The following AP4B1 variants were observed in gnomAD, a reference collection of about 807,000 sequenced individuals.
AP4B1 encodes the protein AP-4 complex subunit beta-1.
Under a neutral mutation model 76.5 loss-of-function variants are expected in AP4B1, and 49 were observed. The ratio of observed to expected loss-of-function variants is 0.64; its 90% CI spans 0.51 to 0.81. The LOEUF is 0.81. Among genes scored for constraint, AP4B1 ranks in the 40% least tolerant of loss-of-function variants. The pLI, the probability that AP4B1 is intolerant of heterozygous loss-of-function variation, is 0.00. For synonymous variants in AP4B1, 330 were observed against 333.3 expected (o/e 0.99, Z 0.11); for missense variants, 911 against 904.9 (o/e 1.01, Z -0.09).
intron 5 of AP4B1, chr1:113,899,026 T>G: frequency 8.4e-7 from 1 of 1,186,848 alleles, no homozygotes; most frequent in Non-Finnish European, 1.1e-6. Context: ...TGAAAGCTCA[T>G]AGCAAAACAA....
rs79922740 is a variant in AP4B1 at position 113,895,157 on chromosome 1, C to T, written c.2128G>A (p.Val710Met). The stretch of plus-strand genomic sequence containing the variant: ...TCCGTTCTTGCTTCATTTTGTTTCA[C>T]AGAGATCTGCATTTCTGAGTTTCCA... ...EPGNSEMQIS[V>M]KQNEARTETL... is the part of the protein sequence containing the mutation. The change falls in exon 10 of 10, where the codon GTG becomes ATG. Residue 710 changes from valine (V) to methionine (M), a missense_variant. Transcript: ENST00000369569. The T allele has an allele frequency of 6.2e-7, 1 of 1,614,162 alleles. No individual in the cohort carries two copies. The highest frequency in any genetic ancestry group is 1.3e-5 in the African/African-American group (1 of 75,044).
intron 7 of AP4B1, chr1:113,897,630 G>A: frequency 1.6e-6 from 1 of 613,950 alleles, no homozygotes; most frequent in Non-Finnish European, 2.9e-6. Flanking sequence ...GAGAACAATG[G>A]TATCACAGTT....
intron 4 of AP4B1, 27 bp downstream of exon 4, chr1:113,901,209 A>C (rs533461640): frequency 6.2e-7 from 1 of 1,613,814 alleles, no homozygotes; most frequent in South Asian, 1.1e-5. Context: ...AGATCTCATA[A>C]TAAAAAGAGT....
At position 113,900,371 on chromosome 1, in the gene AP4B1, G is replaced by C. The variant is rs752781534; in HGVS notation, c.647C>G (p.Ala216Gly). 6.2e-7 allele frequency: 1 copy of C among 1,612,816 alleles called. No homozygotes were observed. Among genetic ancestry groups the C allele is most frequent in the African/African-American group, 1.3e-5 (1 of 74,994 alleles). The change falls in exon 5 of 10, where the codon GCT (alanine) becomes GGT (glycine). Residue 216 changes from alanine to glycine, a missense_variant. Coordinates refer to ENST00000369569, the MANE Select transcript of AP4B1 (RefSeq NM_001253852.3). ...GCGTAGCAGAAAGTTCAATACTTCA[G>C]CCTGGCCCCATTGGTCCAGTTTTGA... ...RMSKLDQWGQ[A>G]EVLNFLLRYQ...
intron 7 of AP4B1, 57 bp from the exon 8 acceptor site, chr1:113,896,522 A>G (rs927197857): frequency 3.2e-6 from 5 of 1,557,364 alleles, no homozygotes; most frequent in Middle Eastern, 1.7e-4. Context: ...AAAACACAGG[A>G]GATAATAGAC....
chr1:113,896,270 A>C lies in AP4B1; in HGVS notation c.1498T>G (p.Tyr500Asp). Residue 500 changes from tyrosine to aspartate, a missense_variant, in exon 8 of 10, where the codon TAT (tyrosine) becomes GAT (aspartate). Tyr to Asp is a radical substitution (Grantham distance 160). Transcript: ENST00000369569. The stretch of plus-strand genomic sequence containing the variant: ...CTGAAAAACCCACCTATGCAGTAAT[A>C]CAACAAACGTCCTAGCATGTCCTGG... ...ECQDMLGRLL[Y>D]YCIEEEKDMA... The C allele has an allele frequency of 6.2e-7, 1 of 1,614,232 alleles. No homozygotes were observed. The highest frequency in any genetic ancestry group is 8.5e-7 in the Non-Finnish European group (1 of 1,180,038).
chr1:113,903,616 A>C (rs979424565), intron 1 of AP4B1, among the ~76,000 whole-genome samples: 2 of 152,258 alleles, frequency 1.3e-5, no homozygotes, highest in African/African-American at 4.8e-5. Flanking sequence ...ATGTTTCTTC[A>C]CAGAGGAAGT....
In AP4B1 at chr1:113,902,861, A is replaced by C. The variant is rs762023878; in HGVS notation, c.115T>G (p.Tyr39Asp). The C allele has an allele frequency of 5.0e-6, 8 of 1,613,620 alleles. No individual in the cohort carries two copies. The highest frequency in any genetic ancestry group is 1.6e-4 in the Middle Eastern group (1 of 6,082). Reference sequence around the variant, plus strand: ...GACATGTCCAAGCCTTGAGTCATGTACCTGAACAACGCACATGACAGAAGG... The same window carrying C: ...GACATGTCCAAGCCTTGAGTCATGTCCCTGAACAACGCACATGACAGAAGG... ...YRNVIQRVIRYMTQGLDMSGV... is the reference protein window; with the variant it reads ...YRNVIQRVIRDMTQGLDMSGV... The change falls in exon 2 of 10, where the codon TAC becomes GAC. Residue 39 changes from tyrosine (Y) to aspartate (D), a missense_variant and splice_region_variant. By Grantham distance (160) the Tyr-to-Asp change is radical. Coordinates refer to ENST00000369569, the MANE Select transcript of AP4B1 (RefSeq NM_001253852.3).
At chr1:113,896,550 T>C in intron 7 of AP4B1, 85 bp from the exon 8 acceptor site, 1 of 1,339,136 alleles carries the variant, frequency 7.5e-7, no homozygotes, top group Non-Finnish European at 1.1e-6. Flanking sequence ...GGTTTTGCTT[T>C]TCGCTTAGTG....
In AP4B1 at chr1:113,897,609, GAACTGTTCAAGAGAACAATGGTATCAC is replaced by G. The variant is rs1168563653; in HGVS notation, c.1302+204_1302+230del. ...AAGCAAAGCAAAACAAAACAAAACA[GAACTGTTCAAGAGAACAATGGTATCAC>G]AGTTTTGTAATAAAACCCGTCGGAT... is the stretch of plus-strand genomic sequence containing the variant. On this transcript the variant is annotated intron_variant, in intron 7 of 9. Transcript: ENST00000369569. 6 of 571,132 alleles carry G rather than the reference GAACTGTTCAAGAGAACAATGGTATCAC, an allele frequency of 1.1e-5. No homozygotes were observed. The East Asian group carries it at 1.2e-4, about 12-fold the overall frequency. 35.4% of individuals were successfully genotyped at this position (571,132 alleles called of 1,614,324 possible).
chr1:113,901,210 TAA>T (rs1217064201), intron 4 of AP4B1, 24 bp downstream of exon 4: 2 of 1,613,814 alleles, frequency 1.2e-6, no homozygotes, highest in Non-Finnish European at 1.7e-6. Flanking sequence ...GATCTCATAA[TAA>T]AAAGAGTGCT....
chr1:113,899,907 T>C lies in AP4B1; in HGVS notation c.1111A>G (p.Ile371Val), dbSNP rs797045242. 13 of 1,614,028 alleles carry C rather than the reference T, an allele frequency of 8.1e-6. No homozygotes were observed. The highest frequency in any genetic ancestry group is 1.6e-4 in the Middle Eastern group (1 of 6,084). ...ADFAQAAIFA[I>V]GGIARTYTDQ... is the part of the protein sequence containing the mutation. ...AGGAAAAGGAGCAGACACCTACCTA[T>C]GGCAAAGATGGCAGCCTGTGCAAAG... Residue 371 changes from isoleucine to valine, a missense_variant, in exon 5 of 10, where the codon ATA becomes GTA. By Grantham distance (29) the Ile-to-Val change is conservative. Coordinates refer to ENST00000369569, the MANE Select transcript of AP4B1 (RefSeq NM_001253852.3).
intron 3 of AP4B1, 78 bp from the exon 4 acceptor site, chr1:113,901,461 A>C: frequency 6.7e-7 from 1 of 1,502,548 alleles, no homozygotes; most frequent in Non-Finnish European, 9.2e-7. Context: ...TAATAGCTCC[A>C]GGTAGACAAA....
chr1:113,895,676 G>A, intron 9 of AP4B1, 81 bp downstream of exon 9: 1 of 1,587,150 alleles, frequency 6.3e-7, no homozygotes, highest in Non-Finnish European at 8.6e-7. Flanking sequence ...GAGGTTTAGT[G>A]CTAAGATACT....
intron 5 of AP4B1, chr1:113,899,131 T>C: frequency 8.8e-7 from 1 of 1,140,460 alleles, no homozygotes; most frequent in Non-Finnish European, 1.1e-6. Context: ...ACACCTGCAA[T>C]GGAGTATTTT....
At position 113,895,242 on chromosome 1, in the gene AP4B1, T is replaced by C; in HGVS notation, c.2043A>G (p.Ala681=). ...MSRAGSRPWK[A]YLSAQDDTGC... ...CAGTATCATCCTGAGCACTGAGGTA[T>C]GCTTTCCATGGCCGAGACCCAGCCC... Residue 681 remains alanine (A), a synonymous_variant, in exon 10 of 10, where the codon GCA becomes GCG. Coordinates refer to ENST00000369569, the MANE Select transcript of AP4B1 (RefSeq NM_001253852.3). 2 of 1,614,224 alleles carry C rather than the reference T, an allele frequency of 1.2e-6. No homozygotes were observed. The highest frequency in any genetic ancestry group is 1.7e-6 in the Non-Finnish European group (2 of 1,180,044).
At position 113,896,972 on chromosome 1, in the gene AP4B1, G is replaced by A. The variant is rs147187388; in HGVS notation, c.1303-507C>T. Reference sequence around the variant, plus strand: ...CAGCCTGGCCAATATGGTGAAACCCGTCTCTATTAAAAATACAAAAATTAG... The same window carrying A: ...CAGCCTGGCCAATATGGTGAAACCCATCTCTATTAAAAATACAAAAATTAG... On this transcript the variant is annotated intron_variant, in intron 7 of 9. Transcript: ENST00000369569. The A allele has an allele frequency of 6.4e-3, 1,050 of 164,120 alleles. 13 individuals carry two copies. The highest frequency in any genetic ancestry group is 0.023 in the African/African-American group (955 of 41,488). The allele number at this position is 164,120 out of a possible 1,614,324, so 10.2% of individuals were successfully genotyped here.
Position 113,896,463 on chromosome 1 carries a change from C to G in AP4B1, c.1305G>C (p.Gly435=). The change falls in exon 8 of 10, where the codon GGG becomes GGC. Residue 435 remains glycine (G), a splice_region_variant and synonymous_variant. Coordinates refer to ENST00000369569, the MANE Select transcript of AP4B1 (RefSeq NM_001253852.3). ...CAAGTAGCCAAATAAGTGCTTGCTT[C>G]CCCTAGAGAATAAAGGAATAAGAGC... ...GCEENIQDSE[G]KQALIWLLGV... is the part of the protein sequence containing the mutation. 6.2e-7 allele frequency: 1 copy of G among 1,614,076 alleles called. No individual in the cohort carries two copies. The highest frequency in any genetic ancestry group is 8.5e-7 in the Non-Finnish European group (1 of 1,179,924).
chr1:113,896,313 G>C lies in AP4B1; in HGVS notation c.1455C>G (p.Leu485=), dbSNP rs773102313. 21 of 1,614,220 alleles carry C rather than the reference G, an allele frequency of 1.3e-5. No homozygotes were observed. Among genetic ancestry groups the C allele is most frequent in the Non-Finnish European group, 1.8e-5 (21 of 1,180,020 alleles). ...ELLTALLRLF[L]SRPAECQDML... ...TGTCCTGGCACTCAGCAGGTCGGGAGAGGAAAAGGCGCAGCAAAGCAGTGA... is the reference window on the plus strand; with the variant it reads ...TGTCCTGGCACTCAGCAGGTCGGGACAGGAAAAGGCGCAGCAAAGCAGTGA... The change falls in exon 8 of 10, where the codon CTC becomes CTG. Residue 485 remains leucine, a synonymous_variant. Transcript: ENST00000369569.
Sources: gnomAD v4.1 joint callset for allele counts (sites outside exome capture counted in the v4.1 genomes callset) on GRCh38, gnomAD v4.1.1 for gene constraint, MANE v1.5 for transcripts, NCBI Gene and HGNC (gene_info 2026-07-23, HGNC 2026-07-21) for gene names.